Variants in BAZ1A observed in about 807,000 individuals in gnomAD.
BAZ1A encodes the protein bromodomain adjacent to zinc finger domain 1A, also known as bromodomain adjacent to zinc finger domain protein 1A.
Under a neutral mutation model 185.2 loss-of-function variants are expected in BAZ1A, and 50 were observed. The observed-to-expected ratio is 0.27, with a 90% CI of 0.22 to 0.34. The LOEUF is 0.34. Among genes scored for constraint, BAZ1A ranks in the 10% least tolerant of loss-of-function variants. The pLI, the probability that BAZ1A is intolerant of heterozygous loss-of-function variation, is 1.00. For missense variants in BAZ1A, 1,356 were observed against 1,839.9 expected, an observed-to-expected ratio of 0.74 and a Z score of 4.81; for synonymous variants, 571 against 615.6, an observed-to-expected ratio of 0.93 and a Z score of 1.07.
At chr14:34,755,498 C>T (rs935971331) in intron 25 of BAZ1A, among the ~76,000 whole-genome samples, 1 of 152,122 alleles carries the variant, frequency 6.6e-6, no homozygotes. Flanking sequence ...TACCGTATAG[C>T]ATATTCCTTT....
chr14:34,760,043 G>A (rs980078401), intron 24 of BAZ1A, among the ~76,000 whole-genome samples: 2 of 152,102 alleles, frequency 1.3e-5, no homozygotes, highest in African/African-American at 2.4e-5. Context: ...CCTAAGAAAG[G>A]TATAGTATAA....
intron 12 of BAZ1A, 146 bp downstream of exon 12, chr14:34,792,629 G>T: frequency 1.1e-6 from 1 of 931,196 alleles, no homozygotes; most frequent in Non-Finnish European, 1.6e-6. Flanking sequence ...TAATCCATTT[G>T]TTGTTAGCAT....
chr14:34,772,714 C>T (rs1267787015), intron 20 of BAZ1A, among the ~76,000 whole-genome samples: 2 of 152,022 alleles, frequency 1.3e-5, no homozygotes, highest in Non-Finnish European at 2.9e-5. Flanking sequence ...TCCTGGGGTA[C>T]AACGATGGAA....
intron 21 of BAZ1A, chr14:34,768,807 G>A (rs1161318157): frequency 2.6e-6 from 1 of 380,636 alleles, no homozygotes; most frequent in Admixed American, 3.5e-5. Context: ...ATAGTTAGTT[G>A]AAGATTTTTT....
intron 2 of BAZ1A, among the ~76,000 whole-genome samples, chr14:34,863,872 T>C (rs558720031): frequency 6.6e-6 from 1 of 151,644 alleles, no homozygotes; most frequent in Non-Finnish European, 1.5e-5. Context: ...TTTAAGAGAG[T>C]CTCACTCTGT....
At chr14:34,846,128 A>G (rs2383678) in intron 3 of BAZ1A, among the ~76,000 whole-genome samples, 91,643 of 151,986 alleles carry the variant, frequency 0.6, 27,749 homozygotes, top group South Asian at 0.68. Context: ...CTTCAGAACC[A>G]TTACTATTCT....
At position 34,764,786 on chromosome 14, in the gene BAZ1A, C is replaced by T. The variant is rs1176306487; in HGVS notation, c.3697G>A (p.Glu1233Lys). The change falls in exon 23 of 27, where the codon GAA becomes AAA. Residue 1233 changes from glutamate (E) to lysine (K), a missense_variant. Glu to Lys is a moderately conservative substitution (Grantham distance 56). Coordinates refer to ENST00000360310, the MANE Select transcript of BAZ1A (RefSeq NM_013448.3). ...TCCTCCTCACTTTGACCTTCTTCTT[C>T]ATCGCCATCAACTTCATCATCCTCA... ...GGEDDEVDGD[E>K]EEGQSEEEEY... The T allele has an allele frequency of 6.2e-7, 1 of 1,611,524 alleles. No homozygotes were observed. The highest frequency in any genetic ancestry group is 1.1e-5 in the South Asian group (1 of 91,018).
rs577777280 is a variant in BAZ1A, at chr14:34,796,171, C to CACAT, written c.1129-407_1129-406insATGT. 4.1e-3 allele frequency among the ~76,000 whole-genome samples: 617 copies of CACAT among 150,198 alleles called. 4 individuals carry two copies. Among genetic ancestry groups the CACAT allele is most frequent in the African/African-American group, 0.015 (591 of 40,074 alleles). On this transcript the variant is annotated intron_variant, in intron 9 of 26. Transcript: ENST00000360310. ...AAACACATATACATATACATACACACACACACACACACACACACACATATA... is the reference window on the plus strand; with the variant it reads ...AAACACATATACATATACATACACACACATACACACACACACACACACACATATA...
chr14:34,795,770 A>C lies in BAZ1A; in HGVS notation c.1129-5T>G, dbSNP rs763936674. The C allele has an allele frequency of 6.2e-7, 1 of 1,603,270 alleles. No individual in the cohort carries two copies. Among genetic ancestry groups the C allele is most frequent in the Non-Finnish European group, 8.5e-7 (1 of 1,173,390 alleles). ...TTCACGTAACTTCTCTCTTTCCTAG[A>C]AATTTTTAAAAGTTAATAACAATTC... On this transcript the variant is annotated splice_region_variant and splice_polypyrimidine_tract_variant and intron_variant, in intron 9 of 26. Coordinates refer to ENST00000360310, the MANE Select transcript of BAZ1A (RefSeq NM_013448.3).
At chr14:34,841,797 C>A (rs1248691127) in intron 3 of BAZ1A, among the ~76,000 whole-genome samples, 2 of 152,234 alleles carry the variant, frequency 1.3e-5, no homozygotes, top group South Asian at 2.1e-4. Context: ...AATATAAACA[C>A]CAATATAATG....
intron 15 of BAZ1A, 148 bp downstream of exon 15, chr14:34,783,614 A>ACC (rs1880200160): frequency 9.5e-7 from 1 of 1,052,804 alleles, no homozygotes; most frequent in Non-Finnish European, 1.3e-6. Flanking sequence ...GGCGTGAGCC[A>ACC]CCACACCTGG....
At chr14:34,768,555 T>C in intron 21 of BAZ1A, 1 of 265,742 alleles carries the variant, frequency 3.8e-6, no homozygotes, top group South Asian at 3.9e-5. Context: ...CCCAAGTCCA[T>C]TCCCTTCCAA....
chr14:34,813,018 A>C (rs944387744), intron 4 of BAZ1A, among the ~76,000 whole-genome samples: 14 of 152,204 alleles, frequency 9.2e-5, no homozygotes, highest in Non-Finnish European at 1.5e-5. Flanking sequence ...ACGTGGGGCC[A>C]TAACAACCTG....
chr14:34,868,432 C>A (rs551158552), intron 2 of BAZ1A, among the ~76,000 whole-genome samples: 1 of 152,280 alleles, frequency 6.6e-6, no homozygotes, highest in East Asian at 1.9e-4. Flanking sequence ...CAAAGTGCAA[C>A]ATACTATTAA....
At chr14:34,841,965 T>A (rs938817232) in intron 3 of BAZ1A, among the ~76,000 whole-genome samples, 3 of 152,170 alleles carry the variant, frequency 2.0e-5, no homozygotes, top group South Asian at 2.1e-4. Context: ...TTTTTTATGT[T>A]TTTTAACTTT....
chr14:34,763,122 A>T (rs1886593116), intron 23 of BAZ1A, among the ~76,000 whole-genome samples: 2 of 152,206 alleles, frequency 1.3e-5, no homozygotes, highest in African/African-American at 4.8e-5. Flanking sequence ...AATTAAAAGA[A>T]TGCAACACCT....
intron 3 of BAZ1A, among the ~76,000 whole-genome samples, chr14:34,849,940 T>C (rs1170629275): frequency 1.3e-5 from 2 of 152,196 alleles, no homozygotes; most frequent in Non-Finnish European, 2.9e-5. Flanking sequence ...CAGTTATTCA[T>C]AAACCTTTAT....
At chr14:34,794,995 C>A in intron 10 of BAZ1A, 108 bp from the exon 11 acceptor site, 1 of 1,394,484 alleles carries the variant, frequency 7.2e-7, no homozygotes, top group Non-Finnish European at 9.6e-7. Context: ...TATTTGTAAG[C>A]TACTGGTTCT....
intron 25 of BAZ1A, among the ~76,000 whole-genome samples, chr14:34,757,720 A>G (rs1018718851): frequency 4.0e-5 from 6 of 150,682 alleles, no homozygotes; most frequent in Middle Eastern, 3.2e-3. Context: ...GAAGGGACTG[A>G]GCTGTCTAAC....
Sources: allele counts gnomAD v4.1 joint callset (sites outside exome capture counted in the v4.1 genomes callset), GRCh38; gene constraint gnomAD v4.1.1; transcripts MANE v1.5; gene names NCBI Gene and HGNC (gene_info 2026-07-23, HGNC 2026-07-21).